Variants in HMCN1 observed in about 807,000 individuals in gnomAD.
HMCN1 encodes hemicentin-1.
In HMCN1, 321 loss-of-function variants were observed where a neutral mutation model predicts 625.9. The ratio of observed to expected loss-of-function variants is 0.51; its 90% CI spans 0.47 to 0.56. HMCN1 has a LOEUF of 0.56. HMCN1 is among the 20% of genes least tolerant of loss of function. HMCN1 has a pLI of 0.00. For missense variants in HMCN1, 6,588 were observed against 6,887.3 expected, an observed-to-expected ratio of 0.96 and a Z score of 1.54; for synonymous variants, 2,425 against 2,417.6, an observed-to-expected ratio of 1.00 and a Z score of -0.09.
intron 97 of HMCN1, among the ~76,000 whole-genome samples, chr1:186,157,491 T>A (rs1651099485): frequency 1.3e-5 from 2 of 151,586 alleles, no homozygotes; most frequent in African/African-American, 4.9e-5. Flanking sequence ...TTAAGCAACT[T>A]TTTTTTTATT....
At chr1:185,756,851 A>C (rs1032824166) in intron 1 of HMCN1, among the ~76,000 whole-genome samples, 1 of 147,244 alleles carries the variant, frequency 6.8e-6, no homozygotes, top group Non-Finnish European at 1.5e-5. Context: ...TTTTTTTTTT[A>C]CTTCTATGAT....
intron 39 of HMCN1, 121 bp from the exon 40 acceptor site, chr1:186,040,892 G>T: frequency 9.7e-7 from 1 of 1,034,130 alleles, no homozygotes. Flanking sequence ...AAATGTCCAA[G>T]GGAAAATCTT....
At chr1:185,981,730 C>T (rs1651653673) in intron 17 of HMCN1, among the ~76,000 whole-genome samples, 2 of 152,022 alleles carry the variant, frequency 1.3e-5, no homozygotes, top group South Asian at 4.1e-4. Flanking sequence ...AGGGATTTTA[C>T]TTTATGTTAA....
At chr1:186,144,844 T>C in intron 91 of HMCN1, 141 bp downstream of exon 91, 2 of 986,718 alleles carry the variant, frequency 2.0e-6, no homozygotes, top group South Asian at 1.4e-5. Context: ...GTTGCTGTCA[T>C]GTCTGTATAA....
intron 101 of HMCN1, among the ~76,000 whole-genome samples, 168 bp downstream of exon 101, chr1:186,171,618 T>C (rs1404513541): frequency 6.6e-6 from 1 of 152,208 alleles, no homozygotes; most frequent in Non-Finnish European, 1.5e-5. Flanking sequence ...TGCTGTTTTA[T>C]GAGTTTCTTT....
chr1:186,039,967 G>A, intron 39 of HMCN1, 88 bp downstream of exon 39: 1 of 1,295,806 alleles, frequency 7.7e-7, no homozygotes, highest in Non-Finnish European at 1.1e-6. Context: ...AAGAGATTTA[G>A]AGAACAAGGA....
At chr1:185,947,022 CA>C (rs563635848) in intron 11 of HMCN1, among the ~76,000 whole-genome samples, 68 of 152,204 alleles carry the variant, frequency 4.5e-4, no homozygotes, top group African/African-American at 1.5e-3. Flanking sequence ...ATTTTATAAC[CA>C]TAATGGTGTT....
rs538768664 is a variant in HMCN1 at position 185,961,141 on chromosome 1, G to T, written c.1829-1377G>T. On this transcript the variant is annotated intron_variant, in intron 11 of 106. Coordinates refer to ENST00000271588, the MANE Select transcript of HMCN1 (RefSeq NM_031935.3). ...GTAAACAGGAAAAAAAGGGGAGGGG[G>T]ACAATTGTAAGCTGCTAGCAATTAG... Among the ~76,000 whole-genome samples, 8 of 152,218 alleles carry T rather than the reference G, an allele frequency of 5.3e-5. 1 individual carries two copies. In the South Asian group the frequency reaches 1.7e-3, roughly 32 times the overall value.
At chr1:185,958,035 A>G (rs1406772979) in intron 11 of HMCN1, among the ~76,000 whole-genome samples, 1 of 152,210 alleles carries the variant, frequency 6.6e-6, no homozygotes, top group African/African-American at 2.4e-5. Context: ...AATATTTCAG[A>G]TTTCAGAAGA....
At chr1:185,905,646 T>C (rs1292705392) in intron 4 of HMCN1, among the ~76,000 whole-genome samples, 1 of 151,864 alleles carries the variant, frequency 6.6e-6, no homozygotes, top group African/African-American at 2.4e-5. Flanking sequence ...TTATCATTCA[T>C]AATAATGTGT....
chr1:185,855,016 C>G (rs1406148740), intron 2 of HMCN1, among the ~76,000 whole-genome samples: 1 of 152,098 alleles, frequency 6.6e-6, no homozygotes, highest in Admixed American at 6.6e-5. Flanking sequence ...TAGGTAGAGT[C>G]TTGACTAGCA....
intron 1 of HMCN1, among the ~76,000 whole-genome samples, chr1:185,791,186 A>G (rs1326126417): frequency 6.6e-6 from 1 of 152,078 alleles, no homozygotes; most frequent in East Asian, 1.9e-4. Flanking sequence ...TTTCATGTTT[A>G]TCTTTCTCGG....
Position 186,063,096 on chromosome 1 carries a change from A to ATATGTATATATG in HMCN1, c.7513+499_7513+500insGTATATATGTAT, listed in dbSNP as rs1553285883. ...TATATATATATATATATATATATAT[A>ATATGTATATATG]TATATATCACATTTTCATTACCCAA... On this transcript the variant is annotated intron_variant, in intron 48 of 106. Coordinates refer to ENST00000271588, the MANE Select transcript of HMCN1 (RefSeq NM_031935.3). Among the ~76,000 whole-genome samples, 34 of 115,404 alleles carry ATATGTATATATG rather than the reference A, an allele frequency of 2.9e-4. 2 individuals are homozygous for ATATGTATATATG. Among genetic ancestry groups the ATATGTATATATG allele is most frequent in the South Asian group, 1.4e-3 (5 of 3,638 alleles). 75.7% of individuals were successfully genotyped at this position (115,404 alleles called of 152,430 possible).
chr1:186,010,390 A>T (rs2102110006), intron 30 of HMCN1, among the ~76,000 whole-genome samples: 1 of 152,338 alleles, frequency 6.6e-6, no homozygotes, highest in African/African-American at 2.4e-5. Context: ...GTCAAATTTA[A>T]GCAGTGGATG....
At chr1:186,003,333 T>TA (rs1653321317) in intron 28 of HMCN1, among the ~76,000 whole-genome samples, 1 of 152,162 alleles carries the variant, frequency 6.6e-6, no homozygotes, top group African/African-American at 2.4e-5. Context: ...ACACTATATG[T>TA]AGAATTTGAA....
chr1:185,847,224 T>C (rs1661875818), intron 2 of HMCN1, among the ~76,000 whole-genome samples: 1 of 152,156 alleles, frequency 6.6e-6, no homozygotes, highest in African/African-American at 2.4e-5. Flanking sequence ...TGACCTCAAC[T>C]GTCTGCATTA....
At chr1:186,075,715 T>C (rs10752961) in intron 53 of HMCN1, among the ~76,000 whole-genome samples, 80,158 of 151,946 alleles carry the variant, frequency 0.53, 21,359 homozygotes, top group Admixed American at 0.61. Flanking sequence ...AATATTTATT[T>C]AACCAGACTT....
At chr1:186,004,366 G>T (rs1238402622) in intron 29 of HMCN1, among the ~76,000 whole-genome samples, 1 of 152,088 alleles carries the variant, frequency 6.6e-6, no homozygotes, top group African/African-American at 2.4e-5. Context: ...TACAGTTTGT[G>T]TATTATAGTT....
chr1:185,956,156 T>A (rs1479791965), intron 11 of HMCN1, among the ~76,000 whole-genome samples: 3 of 152,172 alleles, frequency 2.0e-5, no homozygotes, highest in African/African-American at 7.2e-5. Context: ...ATCTTTCCCA[T>A]TCCATATACC....
Sources: gnomAD v4.1 joint callset for allele counts (sites outside exome capture counted in the v4.1 genomes callset) on GRCh38, gnomAD v4.1.1 for gene constraint, MANE v1.5 for transcripts, NCBI Gene and HGNC (gene_info 2026-07-23, HGNC 2026-07-21) for gene names.